Variants in NIBAN3 observed in about 807,000 individuals in gnomAD.
NIBAN3 encodes the protein protein Niban 3.
A neutral mutation model predicts 76.4 loss-of-function variants in NIBAN3; 66 were observed. That is an observed-to-expected ratio of 0.86 (90% CI 0.71 to 1.06). The LOEUF is 1.06. NIBAN3 is among the 50% of genes least tolerant of loss of function. NIBAN3 has a pLI of 0.00. For missense variants in NIBAN3, 808 were observed against 810.7 expected, an observed-to-expected ratio of 1.00 and a Z score of 0.04; for synonymous variants, 360 against 355.2, an observed-to-expected ratio of 1.01 and a Z score of -0.15.
intron 13 of NIBAN3, among the ~76,000 whole-genome samples, chr19:17,548,929 A>G (rs1202361801): frequency 6.6e-6 from 1 of 151,476 alleles, no homozygotes; most frequent in Non-Finnish European, 1.5e-5. Context: ...CCATCTCAAA[A>G]AAAAGTTGTT....
At chr19:17,539,873 T>G (rs1310977509) in intron 8 of NIBAN3, 108 bp downstream of exon 8, 6 of 521,570 alleles carry the variant, frequency 1.2e-5, no homozygotes, top group Admixed American at 6.0e-5. Flanking sequence ...AATGGGGGCG[T>G]GGTCAGAGAG....
At chr19:17,526,340 A>G (rs1229541101), upstream of NIBAN3, among the ~76,000 whole-genome samples, 1 of 151,526 alleles carries the variant, frequency 6.6e-6, no homozygotes, top group Non-Finnish European at 1.5e-5. Flanking sequence ...CACCTTTAAG[A>G]GACACTTAAA....
At chr19:17,544,116 G>A (rs1323823504) in intron 12 of NIBAN3, 1 of 153,126 alleles carries the variant, frequency 6.5e-6, no homozygotes, top group Admixed American at 6.5e-5. Context: ...ACAACATAGT[G>A]AAACTCCATC....
At chr19:17,545,211 T>C (rs2089967344) in intron 12 of NIBAN3, 1 of 147,648 alleles carries the variant, frequency 6.8e-6, no homozygotes, top group Admixed American at 7.6e-5. Context: ...TTTTATTTTA[T>C]TTTATTTTTA....
Position 17,553,547 on chromosome 19 carries a change from C to T in NIBAN3, c.*1649C>T. On this transcript the variant is annotated 3_prime_UTR_variant, in exon 15 of 15. Transcript: ENST00000599164. ...TCCCATTCTGTCTGGAGTTTTCGGC[C>T]TACCCCAAGACAATGAGATATTCCT... 1 of 1,614,100 alleles carries T rather than the reference C, an allele frequency of 6.2e-7. No individual in the cohort carries two copies. The highest frequency in any genetic ancestry group is 8.5e-7 in the Non-Finnish European group (1 of 1,179,966).
At chr19:17,543,808 T>C (rs987590798) in intron 12 of NIBAN3, 177 bp downstream of exon 12, 3 of 512,346 alleles carry the variant, frequency 5.9e-6, no homozygotes, top group African/African-American at 3.9e-5. Flanking sequence ...CTGGCTAACA[T>C]AGTGAAACCC....
At chr19:17,539,125 G>A (rs200189196) in intron 5 of NIBAN3, 25 bp from the exon 6 acceptor site, 36 of 1,543,786 alleles carry the variant, frequency 2.3e-5, no homozygotes, top group Middle Eastern at 3.5e-4. Context: ...GCTACCAGCA[G>A]GCACTGAGGA....
downstream of NIBAN3, among the ~76,000 whole-genome samples, chr19:17,554,758 C>T (rs1356785426): frequency 1.7e-5 from 2 of 119,670 alleles, no homozygotes; most frequent in Non-Finnish European, 3.3e-5. Flanking sequence ...CTAGCCGGGG[C>T]AATGGAGTGA....
intron 4 of NIBAN3, among the ~76,000 whole-genome samples, chr19:17,535,617 A>C (rs930273286): frequency 5.3e-5 from 8 of 152,114 alleles, no homozygotes; most frequent in Non-Finnish European, 8.8e-5. Flanking sequence ...GCGTGGTGGC[A>C]CACGCCTATA....
upstream of NIBAN3, chr19:17,523,335 A>G: frequency 9.6e-7 from 1 of 1,045,382 alleles, no homozygotes; most frequent in Non-Finnish European, 1.4e-6. Flanking sequence ...ACCTGCGCAG[A>G]GGCGGCTGTG....
At chr19:17,547,026 C>A (rs1004093789) in intron 13 of NIBAN3, among the ~76,000 whole-genome samples, 1 of 152,036 alleles carries the variant, frequency 6.6e-6, no homozygotes, top group Non-Finnish European at 1.5e-5. Flanking sequence ...TATAGGAGTT[C>A]TCAGGATGAG....
chr19:17,545,200 ATTTTAT>A (rs1472854139), intron 12 of NIBAN3: 1 of 149,776 alleles, frequency 6.7e-6, no homozygotes, highest in African/African-American at 2.7e-5. Flanking sequence ...ATTTTATTTT[ATTTTAT>A]TTTATTTTAT....
At chr19:17,546,298 T>C (rs2035105005) in intron 12 of NIBAN3, 1 of 156,914 alleles carries the variant, frequency 6.4e-6, no homozygotes, top group Admixed American at 6.2e-5. Context: ...TATATTTTGT[T>C]ATACTGGAAC....
At position 17,537,356 on chromosome 19, in the gene NIBAN3, G is replaced by A. The variant is rs771716533; in HGVS notation, c.428-20G>A. 1.2e-4 allele frequency: 193 copies of A among 1,610,222 alleles called. No individual in the cohort carries two copies. The highest frequency in any genetic ancestry group is 1.6e-4 in the Non-Finnish European group (185 of 1,177,596). On this transcript the variant is annotated intron_variant, in intron 4 of 14. Coordinates refer to ENST00000599164, the MANE Select transcript of NIBAN3 (RefSeq NM_001321827.2). Reference sequence around the variant, plus strand: ...TAGTGAATGAACGTCTAGAAGATGCGACCTCCTGTTTGTTTTCAGGAGACC... The same window carrying A: ...TAGTGAATGAACGTCTAGAAGATGCAACCTCCTGTTTGTTTTCAGGAGACC...
chr19:17,545,462 CG>C, intron 12 of NIBAN3: 3 of 180,426 alleles, frequency 1.7e-5, no homozygotes, highest in East Asian at 1.4e-4. Flanking sequence ...CAGCTGGGCC[CG>C]GGGGACCACT....
chr19:17,523,324 A>C, upstream of NIBAN3: 1 of 968,104 alleles, frequency 1.0e-6, no homozygotes, highest in Non-Finnish European at 1.5e-6. Flanking sequence ...TGGGAATTGA[A>C]ACCTGCGCAG....
upstream of NIBAN3, among the ~76,000 whole-genome samples, chr19:17,525,656 G>C (rs142931076): frequency 6.6e-6 from 1 of 152,146 alleles, no homozygotes; most frequent in African/African-American, 2.4e-5. Context: ...TGGGGGCTTC[G>C]GGAGCTGCAG....
At position 17,539,177 on chromosome 19, in the gene NIBAN3, C is replaced by T. The variant is rs773388936; in HGVS notation, c.623C>T (p.Ala208Val). The change falls in exon 6 of 15, where the codon GCC becomes GTC. Residue 208 changes from alanine (A) to valine (V), a missense_variant. Transcript: ENST00000599164. ...IVLQRSQAPA[A>V]RAFLDAVRLY... ...CTGCAGCGAAGCCAGGCCCCTGCTG[C>T]CCGGGCCTTCCTGGACGCCGTCCGA... 7 of 1,601,304 alleles carry T rather than the reference C, an allele frequency of 4.4e-6. No homozygotes were observed. Among genetic ancestry groups the T allele is most frequent in the Admixed American group, 3.4e-5 (2 of 58,540 alleles).
intron 2 of NIBAN3, among the ~76,000 whole-genome samples, chr19:17,531,887 CCTTTGGTAGACAGGT>C (rs2075732261): frequency 6.6e-6 from 1 of 152,226 alleles, no homozygotes. Context: ...AGTCTTCACC[CCTTTGGTAGACAGGT>C]CTTTGACTGA....
Sources: allele counts gnomAD v4.1 joint callset (sites outside exome capture counted in the v4.1 genomes callset), GRCh38; gene constraint gnomAD v4.1.1; transcripts MANE v1.5; gene names NCBI Gene and HGNC (gene_info 2026-07-23, HGNC 2026-07-21).